The following PTPRG variants were observed in gnomAD, a reference collection of about 807,000 sequenced individuals.
PTPRG encodes the protein receptor-type tyrosine-protein phosphatase gamma.
PTPRG carries 102 observed loss-of-function variants against 165.3 expected under a neutral mutation model. That is an observed-to-expected ratio of 0.62 (90% confidence interval 0.53 to 0.73). The LOEUF (loss-of-function observed/expected upper bound fraction) is 0.73. Among genes scored for constraint, PTPRG ranks in the 30% least tolerant of loss-of-function variants. The pLI is 0.00. For missense variants in PTPRG, 1,866 were observed against 1,861.4 expected (o/e 1.00, Z -0.05); for synonymous variants, 675 against 669.5 (o/e 1.01, Z -0.13).
intron 2 of PTPRG, among the ~76,000 whole-genome samples, chr3:61,860,229 G>A (rs146770878): frequency 1.3e-5 from 2 of 152,096 alleles, no homozygotes. Flanking sequence ...GCACTAAGAA[G>A]GGAATCCTTC....
chr3:61,936,926 C>G (rs944424031), intron 2 of PTPRG, among the ~76,000 whole-genome samples: 9 of 152,206 alleles, frequency 5.9e-5, no homozygotes, highest in African/African-American at 1.9e-4. Flanking sequence ...GAACTTGATC[C>G]TTGAAGAAGT....
intron 4 of PTPRG, among the ~76,000 whole-genome samples, chr3:62,073,769 C>G (rs1336819059): frequency 6.6e-6 from 1 of 152,230 alleles, no homozygotes; most frequent in Non-Finnish European, 1.5e-5. Context: ...GTGTAAGCCA[C>G]CACACCCAGC....
chr3:61,930,119 G>A (rs1188633568), intron 2 of PTPRG, among the ~76,000 whole-genome samples: 5 of 150,038 alleles, frequency 3.3e-5, no homozygotes, highest in Admixed American at 1.3e-4. Flanking sequence ...GCCAGTATAA[G>A]TATTTATAGA....
intron 2 of PTPRG, among the ~76,000 whole-genome samples, chr3:61,898,615 G>A (rs542350197): frequency 2.0e-5 from 3 of 152,212 alleles, no homozygotes; most frequent in South Asian, 2.1e-4. Flanking sequence ...GTTACATTGC[G>A]TTGTTTTGCC....
chr3:61,576,202 GT>G (rs912928499), intron 1 of PTPRG, among the ~76,000 whole-genome samples: 2 of 152,206 alleles, frequency 1.3e-5, no homozygotes, highest in South Asian at 4.2e-4. Context: ...TTGTTTGTTT[GT>G]TTTTTTGACA....
At chr3:61,749,488 CATTTTT>C in intron 2 of PTPRG, 1 of 212,898 alleles carries the variant, frequency 4.7e-6, no homozygotes. Flanking sequence ...CAGTCCTTTT[CATTTTT>C]ATTTTTACTT....
chr3:61,864,913 CATG>C (rs1179677861), intron 2 of PTPRG, among the ~76,000 whole-genome samples: 1 of 152,174 alleles, frequency 6.6e-6, no homozygotes, highest in Non-Finnish European at 1.5e-5. Context: ...GAAGCTCTGT[CATG>C]ATATTTCAAT....
At chr3:62,028,653 G>A (rs1221693370) in intron 4 of PTPRG, among the ~76,000 whole-genome samples, 1 of 152,170 alleles carries the variant, frequency 6.6e-6, no homozygotes, top group East Asian at 1.9e-4. Flanking sequence ...GCATTCCTGG[G>A]TTGCACATAA....
intron 4 of PTPRG, among the ~76,000 whole-genome samples, chr3:62,045,921 A>T (rs1015305275): frequency 6.6e-6 from 1 of 152,382 alleles, no homozygotes; most frequent in African/African-American, 2.4e-5. Flanking sequence ...CCCAGTGACC[A>T]TTCAGCCAGG....
Position 61,883,015 on chromosome 3 carries a change from C to G in PTPRG, c.191-106610C>G, listed in dbSNP as rs371085998. Among the ~76,000 whole-genome samples, 257 of 152,256 alleles carry G rather than the reference C, an allele frequency of 1.7e-3. 1 individual carries two copies. Among genetic ancestry groups the G allele is most frequent in the African/African-American group, 5.5e-3 (227 of 41,558 alleles). On this transcript the variant is annotated intron_variant, in intron 2 of 29. Coordinates refer to ENST00000474889, the MANE Select transcript of PTPRG (RefSeq NM_002841.4). ...CAGAGCTCACTTTGCAACCTTCAAC[C>G]CCTGTGTTCAAAACTTCTCATTATG... is the stretch of plus-strand genomic sequence containing the variant.
intron 1 of PTPRG, among the ~76,000 whole-genome samples, chr3:61,732,323 A>C (rs1470335468): frequency 6.6e-6 from 1 of 152,154 alleles, no homozygotes; most frequent in Non-Finnish European, 1.5e-5. Flanking sequence ...CATGCCTGTA[A>C]TCCCAGCACT....
At chr3:61,976,128 C>T (rs4260433) in intron 2 of PTPRG, among the ~76,000 whole-genome samples, 69,541 of 151,930 alleles carry the variant, frequency 0.46, 16,669 homozygotes, top group African/African-American at 0.62. Flanking sequence ...TGCATTTCAG[C>T]GAGATCCTTG....
At chr3:62,090,166 G>A (rs1429546816) in intron 5 of PTPRG, among the ~76,000 whole-genome samples, 2 of 152,058 alleles carry the variant, frequency 1.3e-5, no homozygotes, top group Non-Finnish European at 2.9e-5. Context: ...TCTGACTCTT[G>A]GATAATTCAC....
In PTPRG at chr3:62,144,668, T is replaced by C. The variant is rs987615002; in HGVS notation, c.682+12000T>C. Among the ~76,000 whole-genome samples the C allele has an allele frequency of 2.0e-5, 3 of 152,172 alleles. No homozygotes were observed. In the South Asian group the frequency reaches 6.2e-4, roughly 31 times the overall value. On this transcript the variant is annotated intron_variant, in intron 6 of 29. Coordinates refer to ENST00000474889, the MANE Select transcript of PTPRG (RefSeq NM_002841.4). ...CTGATGCTTATCAGAACACGTTTGA[T>C]CTCAAAATCTTCTAGAAACAGGCAC...
chr3:62,090,090 T>G (rs959125789), intron 5 of PTPRG, among the ~76,000 whole-genome samples: 4 of 152,236 alleles, frequency 2.6e-5, no homozygotes, highest in African/African-American at 9.6e-5. Flanking sequence ...CTTCTAAAAT[T>G]ACACTGTCAG....
intron 2 of PTPRG, among the ~76,000 whole-genome samples, chr3:61,981,946 T>G (rs180926108): frequency 2.2e-4 from 33 of 152,312 alleles, no homozygotes; most frequent in African/African-American, 7.9e-4. Flanking sequence ...AGTCATACAA[T>G]TTGTGAGTTA....
chr3:62,005,358 T>C (rs2041270902), intron 4 of PTPRG, among the ~76,000 whole-genome samples: 1 of 152,228 alleles, frequency 6.6e-6, no homozygotes, highest in South Asian at 2.1e-4. Flanking sequence ...AATTACATCA[T>C]GTTCTTAAGT....
intron 4 of PTPRG, among the ~76,000 whole-genome samples, chr3:62,049,878 C>T (rs957438419): frequency 6.6e-6 from 1 of 152,142 alleles, no homozygotes; most frequent in African/African-American, 2.4e-5. Context: ...CTTTCTCATA[C>T]TTCGCTGTTT....
chr3:61,834,702 A>G lies in PTPRG; in HGVS notation c.190+85720A>G, dbSNP rs2036409326. On this transcript the variant is annotated intron_variant, in intron 2 of 29. Transcript: ENST00000474889. ...GTGGCGTGTGCCTGTAGTCCCAACT[A>G]CTCAGGAAGCTGAGGCAGGAGAATT... Among the ~76,000 whole-genome samples, 3 of 152,210 alleles carry G rather than the reference A, an allele frequency of 2.0e-5. No homozygotes were observed. In the South Asian group the frequency reaches 6.2e-4, roughly 32 times the overall value.
Sources: allele counts gnomAD v4.1 joint callset (sites outside exome capture counted in the v4.1 genomes callset), GRCh38; gene constraint gnomAD v4.1.1; transcripts MANE v1.5; gene names NCBI Gene and HGNC (gene_info 2026-07-23, HGNC 2026-07-21).